The following CENPI variants were observed in gnomAD, a reference collection of about 807,000 sequenced individuals.
CENPI encodes the protein FSH primary response 1.
A neutral mutation model predicts 60.4 loss-of-function variants in CENPI; 4 were observed. That is an observed-to-expected ratio of 0.07 (90% CI 0.03 to 0.15). The LOEUF (loss-of-function observed/expected upper bound fraction) is 0.15, where lower values mean the gene tolerates loss of function less well. Among genes scored for constraint, CENPI ranks in the 10% least tolerant of loss-of-function variants. The pLI is 1.00. For synonymous variants in CENPI, 157 were observed against 189.4 expected, an observed-to-expected ratio of 0.83 and a Z score of 1.40; for missense variants, 444 against 534.5, an observed-to-expected ratio of 0.83 and a Z score of 1.67.
intron 12 of CENPI, 144 bp downstream of exon 12, chrX:101,128,980 T>C (rs2089766512): frequency 7.7e-6 from 4 of 521,081 alleles, no homozygotes; most frequent in African/African-American, 4.7e-5. Context: ...GTTTCTGTTG[T>C]AATTTTAAGG....
Position 101,164,351 on chromosome X carries a change from G to C in CENPI, c.*1384G>C, listed in dbSNP as rs1276955759. Among the ~76,000 whole-genome samples, 1 of 110,561 alleles carries C rather than the reference G, an allele frequency of 9.0e-6. No homozygotes were observed. The highest frequency in any genetic ancestry group is 3.3e-5 in the African/African-American group (1 of 30,421). ...GTTTTTGTTTTTGTTTTTGTTTTTTGAGATGGAGTCTCACTCTGTTGCCCA... is the reference window on the plus strand; with the variant it reads ...GTTTTTGTTTTTGTTTTTGTTTTTTCAGATGGAGTCTCACTCTGTTGCCCA... On this transcript the variant is annotated 3_prime_UTR_variant, in exon 22 of 22. Transcript: ENST00000682095.
Position 101,145,178 on chromosome X carries a change from T to C in CENPI, c.1680T>C (p.Phe560=). 1 of 1,208,199 alleles carries C rather than the reference T, an allele frequency of 8.3e-7. No individual in the cohort carries two copies. The highest frequency in any genetic ancestry group is 1.8e-5 in the South Asian group (1 of 56,458). The change falls in exon 17 of 22, where the codon TTT becomes TTC. Residue 560 remains phenylalanine (F), a synonymous_variant. Transcript: ENST00000682095. ...LESNNTFLLH[F]ILDFYEKVCD... ...GCAACAATACTTTCTTGCTGCACTT[T>C]ATTTTGGATTTCTATGAGAAGGTAG... is the stretch of plus-strand genomic sequence containing the variant.
chrX:101,132,423 G>T lies in CENPI; in HGVS notation c.1437G>T (p.Ala479=). ...AACCACTTCTTTTTGACCATCTAGC[G>T]CAGCTCTTCTTTACATCAACCATTT... ...EVKPLLFDHL[A]QLFFTSTIYF... is the part of the protein sequence containing the mutation. Residue 479 remains alanine (A), a synonymous_variant, in exon 15 of 22, where the codon GCG becomes GCT. Transcript: ENST00000682095. 1 of 1,209,517 alleles carries T rather than the reference G, an allele frequency of 8.3e-7. No homozygotes were observed. Among genetic ancestry groups the T allele is most frequent in the Non-Finnish European group, 1.1e-6 (1 of 894,190 alleles).
intron 4 of CENPI, among the ~76,000 whole-genome samples, chrX:101,108,150 C>T (rs2089506967): frequency 9.0e-6 from 1 of 111,433 alleles, no homozygotes; most frequent in African/African-American, 3.3e-5. Context: ...TCTCAGTTCA[C>T]TGCAACCTCC....
chrX:101,133,872 A>G (rs2089821145), intron 15 of CENPI, among the ~76,000 whole-genome samples: 1 of 111,855 alleles, frequency 8.9e-6, no homozygotes, highest in African/African-American at 3.2e-5. Context: ...TCTAGTTGTT[A>G]AGGTGGAATA....
chrX:101,140,422 T>C (rs1245371218), intron 15 of CENPI, among the ~76,000 whole-genome samples: 1 of 112,197 alleles, frequency 8.9e-6, no homozygotes, highest in Non-Finnish European at 1.9e-5. Flanking sequence ...GAAAGGTCTG[T>C]TCTAGGCTGA....
In CENPI at chrX:101,128,695, T is replaced by A. The variant is rs370315764; in HGVS notation, c.1075-21T>A. The A allele has an allele frequency of 3.1e-5, 37 of 1,194,950 alleles. No individual in the cohort carries two copies. In the African/African-American group the frequency reaches 6.0e-4, roughly 19 times the overall value. Reference sequence around the variant, plus strand: ...CACTTTTCAGATACTTAACTGTTGATCGGTTGTTCTGTCATTGCAGCTGCC... The same window carrying A: ...CACTTTTCAGATACTTAACTGTTGAACGGTTGTTCTGTCATTGCAGCTGCC... On this transcript the variant is annotated intron_variant, in intron 11 of 21. Coordinates refer to ENST00000682095, the MANE Select transcript of CENPI (RefSeq NM_001386188.2).
intron 15 of CENPI, among the ~76,000 whole-genome samples, chrX:101,134,929 G>A (rs2089831096): frequency 9.1e-6 from 1 of 109,918 alleles, no homozygotes; most frequent in Non-Finnish European, 1.9e-5. Flanking sequence ...CAGGAGAATC[G>A]CTTGAACCCG....
intron 15 of CENPI, among the ~76,000 whole-genome samples, chrX:101,134,009 G>T (rs974625613): frequency 2.1e-4 from 23 of 111,863 alleles, no homozygotes; most frequent in African/African-American, 7.1e-4. Flanking sequence ...TGTAGAGAGA[G>T]CTGTAGGGGG....
At chrX:101,099,287 G>T (rs1323484193) in intron 2 of CENPI, among the ~76,000 whole-genome samples, 2 of 110,029 alleles carry the variant, frequency 1.8e-5, no homozygotes, top group East Asian at 2.9e-4. Flanking sequence ...AAATAGCCGG[G>T]TATGGTGGTG....
rs759350533 is a variant in CENPI at position 101,126,847 on chromosome X, T to C, written c.777+49T>C. On this transcript the variant is annotated intron_variant, in intron 9 of 21. Coordinates refer to ENST00000682095, the MANE Select transcript of CENPI (RefSeq NM_001386188.2). ...TCATATTAAGATTGAAATATGTTAT[T>C]TTTGGTAAAGTTAACTTACAGATTT... is the stretch of plus-strand genomic sequence containing the variant. 30 of 1,030,121 alleles carry C rather than the reference T, an allele frequency of 2.9e-5. No homozygotes were observed. In the African/African-American group the frequency reaches 4.7e-4, roughly 16 times the overall value. 84.9% of individuals were successfully genotyped at this position (1,030,121 alleles called of 1,213,427 possible). A position where few individuals can be genotyped will look rare whatever the true frequency, so the allele number is the denominator to read the frequency against.
the CENPI span, among the ~76,000 whole-genome samples, chrX:101,181,730 G>A: frequency 2.7e-5 from 3 of 111,834 alleles, no homozygotes; most frequent in Non-Finnish European, 5.6e-5. Flanking sequence ...TCTGTGAATA[G>A]AAATATTTTT....
intron 20 of CENPI, among the ~76,000 whole-genome samples, chrX:101,156,194 G>T (rs143895302): frequency 0.012 from 1,308 of 110,735 alleles, 7 homozygotes; most frequent in Middle Eastern, 0.084. Context: ...TGTGTTTTTA[G>T]TAGAGATGGG....
chrX:101,151,802 C>A (rs1187246633), intron 20 of CENPI, among the ~76,000 whole-genome samples: 3 of 103,521 alleles, frequency 2.9e-5, no homozygotes, highest in Non-Finnish European at 5.9e-5. Flanking sequence ...CCACTGCACT[C>A]CAGCCCAGGT....
At chrX:101,120,089 A>C (rs1328432845) in intron 6 of CENPI, among the ~76,000 whole-genome samples, 1 of 112,418 alleles carries the variant, frequency 8.9e-6, no homozygotes, top group Non-Finnish European at 1.9e-5. Context: ...AAATACATAC[A>C]TGCAAATATT....
chrX:101,114,481 C>G (rs1208344038), intron 6 of CENPI, among the ~76,000 whole-genome samples: 3 of 111,655 alleles, frequency 2.7e-5, no homozygotes, highest in Non-Finnish European at 5.6e-5. Flanking sequence ...TCTATTACCC[C>G]CCTAGCTCTA....
intron 20 of CENPI, among the ~76,000 whole-genome samples, chrX:101,152,343 G>A (rs752182985): frequency 1.4e-3 from 156 of 108,169 alleles, no homozygotes; most frequent in African/African-American, 5.0e-3. Flanking sequence ...GATTACAGGC[G>A]TGACCCACCC....
rs987060528 is a variant in CENPI, at chrX:101,154,952, A to G, written c.2095-6576A>G. Reference sequence around the variant, plus strand: ...ATGTTGAACTCATTTATTAGTTTTTATAGCTTTTTGGTATATTCCTTAGGA... The same window carrying G: ...ATGTTGAACTCATTTATTAGTTTTTGTAGCTTTTTGGTATATTCCTTAGGA... On this transcript the variant is annotated intron_variant, in intron 20 of 21. Transcript: ENST00000682095. 1.4e-4 allele frequency among the ~76,000 whole-genome samples: 16 copies of G among 111,452 alleles called. No individual in the cohort carries two copies. In the Admixed American group the frequency reaches 1.5e-3, roughly 11 times the overall value.
At chrX:101,103,197 T>A (rs866350320) in intron 4 of CENPI, among the ~76,000 whole-genome samples, 10 of 107,359 alleles carry the variant, frequency 9.3e-5, no homozygotes, top group Admixed American at 4.1e-4. Flanking sequence ...GGTTTCACCA[T>A]CTTGGGCAGA....
Sources: allele counts gnomAD v4.1 joint callset (sites outside exome capture counted in the v4.1 genomes callset), GRCh38; gene constraint gnomAD v4.1.1; transcripts MANE v1.5; gene names NCBI Gene and HGNC (gene_info 2026-07-23, HGNC 2026-07-21).